The following SND1 variants were observed in gnomAD, a reference collection of about 807,000 sequenced individuals.
SND1 encodes the protein staphylococcal nuclease and tudor domain containing 1.
Under a neutral mutation model 121.7 loss-of-function variants are expected in SND1, and 38 were observed. The ratio of observed to expected loss-of-function variants is 0.31; its 90% CI spans 0.24 to 0.41. SND1 has a LOEUF of 0.41. SND1 is among the 10% of genes least tolerant of loss of function. The probability of loss-of-function intolerance (pLI) is 1.00; values close to 1 mark genes in which losing one functional copy is unlikely to be tolerated. For missense variants in SND1, 868 were observed against 1,184.6 expected (o/e 0.73, Z 3.92); for synonymous variants, 401 against 447.4 (o/e 0.90, Z 1.31).
At chr7:128,090,821 C>G (rs1793767408) in intron 22 of SND1, among the ~76,000 whole-genome samples, 1 of 152,158 alleles carries the variant, frequency 6.6e-6, no homozygotes, top group Non-Finnish European at 1.5e-5. Context: ...GACCCCTAAG[C>G]CCCTCTGGAT....
At chr7:127,805,420 T>C (rs999818805) in intron 10 of SND1, among the ~76,000 whole-genome samples, 2 of 152,158 alleles carry the variant, frequency 1.3e-5, no homozygotes, top group African/African-American at 4.8e-5. Context: ...AGCACTGGAA[T>C]GATGATCATT....
At chr7:127,717,722 C>G (rs62481369) in intron 9 of SND1, among the ~76,000 whole-genome samples, 1 of 152,126 alleles carries the variant, frequency 6.6e-6, no homozygotes, top group African/African-American at 2.4e-5. Flanking sequence ...TTGTAGAAGG[C>G]CCTTTTGGGC....
chr7:127,703,573 G>A (rs897589517), intron 7 of SND1, among the ~76,000 whole-genome samples: 16 of 152,094 alleles, frequency 1.1e-4, no homozygotes, highest in Non-Finnish European at 2.1e-4. Context: ...TTAGCCTGTC[G>A]TGGTGGCGTG....
At chr7:127,754,294 T>G (rs1467094755) in intron 10 of SND1, among the ~76,000 whole-genome samples, 3 of 152,246 alleles carry the variant, frequency 2.0e-5, no homozygotes, top group Admixed American at 6.5e-5. Flanking sequence ...GATCCTATTG[T>G]GCCTCTCTGA....
chr7:128,059,627 G>A (rs1213971578), intron 16 of SND1, among the ~76,000 whole-genome samples: 5 of 152,174 alleles, frequency 3.3e-5, no homozygotes, highest in Non-Finnish European at 7.3e-5. Flanking sequence ...CTCTAGCCCT[G>A]CTGTCTTTCT....
At chr7:127,725,234 G>A (rs1250004163) in intron 10 of SND1, among the ~76,000 whole-genome samples, 1 of 152,066 alleles carries the variant, frequency 6.6e-6, no homozygotes, top group East Asian at 1.9e-4. Flanking sequence ...CGTACCAGCT[G>A]TTACAGTCAC....
In SND1 at chr7:128,006,885, C is replaced by T. The variant is rs556583406; in HGVS notation, c.1779+15829C>T. 3.3e-5 allele frequency among the ~76,000 whole-genome samples: 5 copies of T among 152,336 alleles called. No individual in the cohort carries two copies. The East Asian group carries it at 5.8e-4, about 18-fold the overall frequency. On this transcript the variant is annotated intron_variant, in intron 16 of 23. Transcript: ENST00000354725. ...GGCAGTTCCCAGGGCTGGTTGTTGCCAGCATGGAGGTCGCAGTCTTTGTGT... is the reference window on the plus strand; with the variant it reads ...GGCAGTTCCCAGGGCTGGTTGTTGCTAGCATGGAGGTCGCAGTCTTTGTGT...
At chr7:127,853,560 A>G (rs1453177595) in intron 12 of SND1, among the ~76,000 whole-genome samples, 1 of 152,150 alleles carries the variant, frequency 6.6e-6, no homozygotes, top group Non-Finnish European at 1.5e-5. Context: ...AAAGTCCTCT[A>G]GCACCTCCTC....
intron 12 of SND1, among the ~76,000 whole-genome samples, chr7:127,868,908 T>C (rs964749925): frequency 1.3e-5 from 2 of 152,132 alleles, no homozygotes; most frequent in Non-Finnish European, 1.5e-5. Flanking sequence ...GTTGAGTACA[T>C]GACGTTGCCA....
intron 10 of SND1, among the ~76,000 whole-genome samples, chr7:127,801,861 A>C (rs1024777407): frequency 7.2e-5 from 11 of 151,798 alleles, no homozygotes; most frequent in South Asian, 4.1e-4. Flanking sequence ...TTTTTTTTTG[A>C]GACAGAGTCT....
chr7:127,806,445 T>G (rs988576256), intron 10 of SND1, among the ~76,000 whole-genome samples: 19 of 152,262 alleles, frequency 1.2e-4, no homozygotes, highest in African/African-American at 4.6e-4. Context: ...ATGAAGTAAG[T>G]GTGTATGTGT....
intron 10 of SND1, among the ~76,000 whole-genome samples, chr7:127,758,053 G>C (rs1250593969): frequency 6.6e-6 from 1 of 152,182 alleles, no homozygotes; most frequent in Non-Finnish European, 1.5e-5. Flanking sequence ...GGAATACTAG[G>C]TTTCCTTGTA....
Position 127,723,580 on chromosome 7 carries a change from T to C in SND1, c.1152+2180T>C, listed in dbSNP as rs80351608. On this transcript the variant is annotated intron_variant, in intron 10 of 23. Transcript: ENST00000354725. ...GGGCCACGTAAGAAATAAGTTAATATAATGAACCTTGAATGTAGTGGTAGA... is the reference window on the plus strand; with the variant it reads ...GGGCCACGTAAGAAATAAGTTAATACAATGAACCTTGAATGTAGTGGTAGA... Among the ~76,000 whole-genome samples, 3 of 152,296 alleles carry C rather than the reference T, an allele frequency of 2.0e-5. No homozygotes were observed. The East Asian group carries it at 5.8e-4, about 29-fold the overall frequency.
intron 16 of SND1, among the ~76,000 whole-genome samples, chr7:128,022,857 G>C (rs139161082): frequency 1.3e-5 from 2 of 152,306 alleles, no homozygotes; most frequent in East Asian, 1.9e-4. Flanking sequence ...GAACAGGACT[G>C]TTGTGGGTAG....
intron 10 of SND1, among the ~76,000 whole-genome samples, chr7:127,796,224 A>G (rs1300067520): frequency 1.3e-5 from 2 of 152,050 alleles, no homozygotes; most frequent in East Asian, 1.9e-4. Flanking sequence ...TTTGTATTCA[A>G]CTAGTATAGT....
intron 16 of SND1, among the ~76,000 whole-genome samples, chr7:128,033,071 G>A (rs1046748446): frequency 4.6e-5 from 7 of 152,292 alleles, no homozygotes; most frequent in African/African-American, 1.4e-4. Flanking sequence ...AGAGAACTGG[G>A]GGAAGGGAGG....
intron 9 of SND1, among the ~76,000 whole-genome samples, chr7:127,712,113 C>T (rs1346144000): frequency 6.6e-6 from 1 of 151,974 alleles, no homozygotes; most frequent in East Asian, 1.9e-4. Flanking sequence ...TATTAAAACA[C>T]TGAGTTTAGA....
At chr7:127,785,885 A>G (rs1797803878) in intron 10 of SND1, among the ~76,000 whole-genome samples, 1 of 152,230 alleles carries the variant, frequency 6.6e-6, no homozygotes, top group Admixed American at 6.5e-5. Flanking sequence ...GCCTGCCTCA[A>G]TAACCCCAGC....
At chr7:127,761,500 T>C (rs1797305627) in intron 10 of SND1, among the ~76,000 whole-genome samples, 1 of 152,148 alleles carries the variant, frequency 6.6e-6, no homozygotes, top group African/African-American at 2.4e-5. Context: ...ATGAATATGA[T>C]GAGTATAGAA....
Sources: allele counts gnomAD v4.1 joint callset (sites outside exome capture counted in the v4.1 genomes callset), GRCh38; gene constraint gnomAD v4.1.1; transcripts MANE v1.5; gene names NCBI Gene and HGNC (gene_info 2026-07-23, HGNC 2026-07-21).